The following CDKN2B-AS1 variants were observed in gnomAD, a reference collection of about 807,000 sequenced individuals.
The protein encoded by CDKN2B-AS1 is CDKN2B antisense RNA 1 (non-protein coding).
intron 4 of CDKN2B-AS1, chr9:22,117,977 T>C (rs72654265): frequency 3.9e-5 from 6 of 152,354 alleles, no homozygotes; most frequent in African/African-American, 7.2e-5. Flanking sequence ...AGTGAGGCAA[T>C]TGGAGTCTCA....
At chr9:22,027,356 A>G (rs185921800) in intron 1 of CDKN2B-AS1, among the ~76,000 whole-genome samples, 1 of 152,342 alleles carries the variant, frequency 6.6e-6, no homozygotes, top group African/African-American at 2.4e-5. Flanking sequence ...TGAAATAAAT[A>G]AAATTCACAT....
intron 4 of CDKN2B-AS1, among the ~76,000 whole-genome samples, chr9:22,101,962 A>C (rs1200428113): frequency 6.6e-6 from 1 of 152,172 alleles, no homozygotes; most frequent in Non-Finnish European, 1.5e-5. Context: ...TGTTGGAAGG[A>C]TCCGTTAGCT....
intron 3 of CDKN2B-AS1, among the ~76,000 whole-genome samples, chr9:22,053,159 A>C (rs1823426374): frequency 6.6e-6 from 1 of 152,232 alleles, no homozygotes; most frequent in South Asian, 2.1e-4. Context: ...ATCTTAGCAC[A>C]AAACAACCAG....
chr9:22,055,698 T>C (rs557239063), intron 3 of CDKN2B-AS1, among the ~76,000 whole-genome samples: 3 of 152,344 alleles, frequency 2.0e-5, no homozygotes, highest in African/African-American at 7.2e-5. Context: ...ATGATCCACG[T>C]GCTGGCAGAC....
intron 4 of CDKN2B-AS1, among the ~76,000 whole-genome samples, chr9:22,086,105 C>G (rs1824860650): frequency 6.6e-6 from 1 of 152,080 alleles, no homozygotes; most frequent in African/African-American, 2.4e-5. Context: ...TACTCTATCC[C>G]TTAATTCAAC....
chr9:22,066,503 T>A (rs1824047940), intron 4 of CDKN2B-AS1: 1 of 151,970 alleles, frequency 6.6e-6, no homozygotes, highest in Non-Finnish European at 1.5e-5. Flanking sequence ...CCAAAAACTC[T>A]TGTTCAAATT....
intron 1 of CDKN2B-AS1, among the ~76,000 whole-genome samples, chr9:22,020,587 T>C (rs1821974432): frequency 6.6e-6 from 1 of 152,196 alleles, no homozygotes; most frequent in Admixed American, 6.5e-5. Flanking sequence ...TTGTGTGAGA[T>C]AGTATCTCAT....
chr9:22,100,090 G>A (rs922378080), intron 4 of CDKN2B-AS1, among the ~76,000 whole-genome samples: 19 of 152,128 alleles, frequency 1.2e-4, no homozygotes, highest in Admixed American at 3.9e-4. Context: ...ATGGGATAAA[G>A]GCGATAGTAT....
intron 1 of CDKN2B-AS1, chr9:22,009,084 T>G: frequency 7.2e-7 from 1 of 1,379,446 alleles, no homozygotes; most frequent in Non-Finnish European, 1.0e-6. Flanking sequence ...CTCAGCTTCA[T>G]TACCCTCCCG....
intron 4 of CDKN2B-AS1, among the ~76,000 whole-genome samples, chr9:22,103,291 T>A (rs1467037733): frequency 2.0e-5 from 3 of 151,642 alleles, no homozygotes; most frequent in Non-Finnish European, 4.4e-5. Context: ...GCTGGAAGAG[T>A]TTAGTGTTGC....
At chr9:22,020,610 T>C (rs1379499141) in intron 1 of CDKN2B-AS1, among the ~76,000 whole-genome samples, 9 of 152,220 alleles carry the variant, frequency 5.9e-5, no homozygotes, top group Non-Finnish European at 1.2e-4. Flanking sequence ...TGGTTTTGAT[T>C]TGCATTTTTC....
chr9:22,095,355 T>G (rs1825236987), intron 4 of CDKN2B-AS1, among the ~76,000 whole-genome samples: 1 of 144,744 alleles, frequency 6.9e-6, no homozygotes, highest in Admixed American at 6.7e-5. Flanking sequence ...ATGTACCCAG[T>G]AGTCATTCAG....
intron 1 of CDKN2B-AS1, chr9:22,008,772 C>G: frequency 6.2e-7 from 1 of 1,608,928 alleles, no homozygotes; most frequent in Non-Finnish European, 8.5e-7. Context: ...CGCCCCCTGC[C>G]GGCGAGGCCC....
intron 1 of CDKN2B-AS1, chr9:22,004,423 T>C: frequency 4.3e-6 from 1 of 232,406 alleles, no homozygotes; most frequent in Non-Finnish European, 8.5e-6. Flanking sequence ...GTAAGCAGTT[T>C]TTATGAATTG....
chr9:22,010,373 G>A (rs899788128), intron 1 of CDKN2B-AS1, among the ~76,000 whole-genome samples: 1 of 152,180 alleles, frequency 6.6e-6, no homozygotes, highest in African/African-American at 2.4e-5. Context: ...AAAAACTTTG[G>A]TGAGGAACTG....
chr9:22,092,919 G>T (rs1825142848), intron 4 of CDKN2B-AS1, among the ~76,000 whole-genome samples: 1 of 152,054 alleles, frequency 6.6e-6, no homozygotes, highest in Non-Finnish European at 1.5e-5. Context: ...TGATGTTAGG[G>T]TGTCAATTTT....
chr9:22,101,049 T>TCC (rs1825464620), intron 4 of CDKN2B-AS1, among the ~76,000 whole-genome samples: 2 of 152,214 alleles, frequency 1.3e-5, no homozygotes, highest in Non-Finnish European at 2.9e-5. Context: ...TTAACTTTAA[T>TCC]TTGACTGAGG....
At position 22,005,237 on chromosome 9, in the gene CDKN2B-AS1, C is replaced by T. The variant is rs938964177; in HGVS notation, n.29+10076C>T. 2.6e-5 allele frequency: 6 copies of T among 233,794 alleles called. No individual in the cohort carries two copies. Among genetic ancestry groups the T allele is most frequent in the Non-Finnish European group, 5.1e-5 (6 of 118,582 alleles). 14.5% of individuals were successfully genotyped at this position (233,794 alleles called of 1,614,324 possible). A position where few individuals can be genotyped will look rare whatever the true frequency, so the allele number is the denominator to read the frequency against. On this transcript the variant is annotated intron_variant and non_coding_transcript_variant, in intron 1 of 4. Coordinates refer to ENST00000650946, the Ensembl canonical transcript of CDKN2B-AS1. This position sits in a 1 kb window ranked among gnomAD's most constrained non-coding sequence, Gnocchi z 4.9. ...GCCTGCGGAACCCGCGGGAATCTCT[C>T]CTCAGTGTAGTAAGAGCAAAGGCCA...
chr9:22,108,664 A>G (rs1025885260), intron 4 of CDKN2B-AS1, among the ~76,000 whole-genome samples: 2 of 152,224 alleles, frequency 1.3e-5, no homozygotes, highest in Admixed American at 6.5e-5. Flanking sequence ...TTACAAAGAA[A>G]CAAATTTGAG....
Sources: allele counts gnomAD v4.1 joint callset (sites outside exome capture counted in the v4.1 genomes callset), GRCh38; gene constraint gnomAD v4.1.1; non-coding constraint Gnocchi (gnomAD v3.1); transcripts MANE v1.5; gene names NCBI Gene and HGNC (gene_info 2026-07-23, HGNC 2026-07-21).